The following SUMF1 variants were observed in gnomAD, a reference collection of about 807,000 sequenced individuals.
SUMF1 encodes formylglycine-generating enzyme.
SUMF1 carries 48 observed loss-of-function variants against 47.6 expected under a neutral mutation model. The observed-to-expected ratio is 1.01, with a 90% CI of 0.80 to 1.28. The LOEUF (loss-of-function observed/expected upper bound fraction) is 1.28. Among genes scored for constraint, SUMF1 ranks in the 50% most tolerant of loss-of-function variants. The pLI, the probability that SUMF1 is intolerant of heterozygous loss-of-function variation, is 0.00. For missense variants in SUMF1, 571 were observed against 485.4 expected, an observed-to-expected ratio of 1.18 and a Z score of -1.66; for synonymous variants, 230 against 192.1, an observed-to-expected ratio of 1.20 and a Z score of -1.63.
At chr3:4,404,328 C>A (rs894940010) in intron 7 of SUMF1, among the ~76,000 whole-genome samples, 2 of 152,232 alleles carry the variant, frequency 1.3e-5, no homozygotes, top group African/African-American at 4.8e-5. Flanking sequence ...GGCACTTACT[C>A]TGTATAACTT....
At chr3:4,309,189 G>A (rs1200864404) in intron 8 of SUMF1, among the ~76,000 whole-genome samples, 1 of 152,182 alleles carries the variant, frequency 6.6e-6, no homozygotes, top group African/African-American at 2.4e-5. Context: ...CAGGTAGCAG[G>A]CTTCAGAGAG....
intron 9 of SUMF1, among the ~76,000 whole-genome samples, chr3:4,049,405 T>C (rs1695063894): frequency 6.6e-6 from 1 of 152,142 alleles, no homozygotes; most frequent in African/African-American, 2.4e-5. Flanking sequence ...CATGCCAAAA[T>C]ATTTGCTGGA....
At chr3:4,273,697 AT>A (rs1697349359) in intron 8 of SUMF1, among the ~76,000 whole-genome samples, 1 of 106,542 alleles carries the variant, frequency 9.4e-6, no homozygotes, top group African/African-American at 4.1e-5. Context: ...GGGAGGGAGG[AT>A]ACGGGAGGGA....
intron 8 of SUMF1, among the ~76,000 whole-genome samples, chr3:4,336,885 T>C (rs934395548): frequency 2.0e-5 from 3 of 152,206 alleles, no homozygotes; most frequent in African/African-American, 7.2e-5. Context: ...TGAATAACTA[T>C]CTCTACCATG....
intron 8 of SUMF1, among the ~76,000 whole-genome samples, chr3:4,300,229 C>G (rs879828771): frequency 6.6e-6 from 1 of 152,150 alleles, no homozygotes; most frequent in African/African-American, 2.4e-5. Flanking sequence ...TCTCACTGCT[C>G]CTGCTTTGAC....
At chr3:4,396,532 G>C (rs990274086) in intron 7 of SUMF1, among the ~76,000 whole-genome samples, 9 of 152,160 alleles carry the variant, frequency 5.9e-5, no homozygotes, top group African/African-American at 2.2e-4. Flanking sequence ...CTTCTGGCCT[G>C]AGTTCCCTCA....
chr3:4,313,457 C>G, intron 8 of SUMF1: 1 of 1,613,972 alleles, frequency 6.2e-7, no homozygotes, highest in East Asian at 2.2e-5. Flanking sequence ...CGAATTGACT[C>G]AATGGTACCT....
At chr3:4,059,810 A>C (rs867524440) in intron 9 of SUMF1, among the ~76,000 whole-genome samples, 3 of 152,010 alleles carry the variant, frequency 2.0e-5, no homozygotes, top group South Asian at 2.1e-4. Flanking sequence ...AAAAAAAAAA[A>C]AACCTTGAGC....
chr3:4,190,800 G>C lies in SUMF1; in HGVS notation c.1015-122055C>G, dbSNP rs190861267. Among the ~76,000 whole-genome samples the C allele has an allele frequency of 5.3e-5, 8 of 152,146 alleles. No individual in the cohort carries two copies. In the East Asian group the frequency reaches 1.5e-3, roughly 29 times the overall value. ...AATAAGCCACCATGCCTGCTTTCAGGGAGTTCACAGCCTACTGAAGACCAC... is the reference window on the plus strand; with the variant it reads ...AATAAGCCACCATGCCTGCTTTCAGCGAGTTCACAGCCTACTGAAGACCAC... On this transcript the variant is annotated intron_variant and NMD_transcript_variant, in intron 8 of 12. Coordinates refer to the SUMF1 transcript ENST00000448413.
chr3:4,269,442 TCAGAAATA>T (rs1447889365), intron 8 of SUMF1, among the ~76,000 whole-genome samples: 1 of 152,182 alleles, frequency 6.6e-6, no homozygotes, highest in Non-Finnish European at 1.5e-5. Flanking sequence ...AACCTTAAAT[TCAGAAATA>T]CAATTTTAAT....
At chr3:4,396,384 T>C (rs369455531) in intron 7 of SUMF1, among the ~76,000 whole-genome samples, 1 of 152,286 alleles carries the variant, frequency 6.6e-6, no homozygotes, top group Admixed American at 6.5e-5. Context: ...TTACAAGAGA[T>C]TGCAAATAGA....
At chr3:4,071,430 T>C (rs1244991513) in intron 8 of SUMF1, among the ~76,000 whole-genome samples, 1 of 152,138 alleles carries the variant, frequency 6.6e-6, no homozygotes, top group African/African-American at 2.4e-5. Context: ...GGAGGAACAG[T>C]ACACTCCTGC....
intron 8 of SUMF1, among the ~76,000 whole-genome samples, chr3:4,150,153 GGC>G (rs1203542075): frequency 0.012 from 1,606 of 136,920 alleles, 35 homozygotes; most frequent in African/African-American, 0.039. Context: ...GGAGTGCACT[GGC>G]GTATTATAGC....
chr3:4,443,624 G>C (rs1702681106), intron 3 of SUMF1, among the ~76,000 whole-genome samples: 1 of 152,050 alleles, frequency 6.6e-6, no homozygotes, highest in South Asian at 2.1e-4. Flanking sequence ...AATTAGCCAG[G>C]TGTGGTGGCA....
chr3:4,259,376 T>G (rs1333696325), intron 8 of SUMF1, among the ~76,000 whole-genome samples: 1 of 152,192 alleles, frequency 6.6e-6, no homozygotes, highest in Non-Finnish European at 1.5e-5. Flanking sequence ...TGATTTGACC[T>G]ACATGTTACG....
intron 8 of SUMF1, among the ~76,000 whole-genome samples, chr3:4,133,999 G>A (rs748829271): frequency 2.6e-5 from 4 of 151,606 alleles, no homozygotes; most frequent in Non-Finnish European, 5.9e-5. Context: ...CCACTAGAAG[G>A]GGCACACACA....
rs71313811 is a variant in SUMF1, at chr3:4,165,870, C to G, written c.1015-97125G>C. On this transcript the variant is annotated intron_variant and NMD_transcript_variant, in intron 8 of 12. Coordinates refer to the SUMF1 transcript ENST00000448413. ...GTTTTGATTTGTTTGTTTCCCCCCC[C>G]CCCCCGAGCAAGAACCTGCAATGGT... Among the ~76,000 whole-genome samples, 9 of 137,798 alleles carry G rather than the reference C, an allele frequency of 6.5e-5. 1 individual carries two copies. Among genetic ancestry groups the G allele is most frequent in the Admixed American group, 2.9e-4 (4 of 13,898 alleles). The allele number at this position is 137,798 out of a possible 152,430, so 90.4% of individuals were successfully genotyped here.
chr3:4,261,359 T>C (rs545293338), intron 8 of SUMF1, among the ~76,000 whole-genome samples: 2 of 152,310 alleles, frequency 1.3e-5, no homozygotes, highest in Admixed American at 1.3e-4. Context: ...TACATTCAGT[T>C]CAAAAACACA....
chr3:4,184,651 AT>A (rs113449863), intron 8 of SUMF1, among the ~76,000 whole-genome samples: 71,400 of 134,812 alleles, frequency 0.53, 17,883 homozygotes, highest in Admixed American at 0.55. Context: ...ATTTCCCTGG[AT>A]TTTTTTTTTT....
Sources: allele counts gnomAD v4.1 joint callset (sites outside exome capture counted in the v4.1 genomes callset), GRCh38; gene constraint gnomAD v4.1.1; transcripts MANE v1.5; gene names NCBI Gene and HGNC (gene_info 2026-07-23, HGNC 2026-07-21).